MALRD1: variants seen among roughly 807,000 people sequenced by gnomAD.
The protein encoded by MALRD1 is MAM and LDL receptor class A domain containing 1, also known as MAM and LDL-receptor class A domain-containing protein 1.
MALRD1 carries 247 observed loss-of-function variants against 242.1 expected under a neutral mutation model. The ratio of observed to expected loss-of-function variants is 1.02; its 90% CI spans 0.92 to 1.13. The LOEUF is 1.13. Among genes scored for constraint, MALRD1 ranks in the 50% most tolerant of loss-of-function variants. The pLI is 0.00. For synonymous variants in MALRD1, 995 were observed against 866.6 expected, an observed-to-expected ratio of 1.15 and a Z score of -2.60; for missense variants, 2,989 against 2,533.1, an observed-to-expected ratio of 1.18 and a Z score of -3.86.
At chr10:19,424,602 A>G (rs1289241695) in intron 28 of MALRD1, among the ~76,000 whole-genome samples, 1 of 152,244 alleles carries the variant, frequency 6.6e-6, no homozygotes, top group African/African-American at 2.4e-5. Flanking sequence ...TCAGAACTAA[A>G]GTAATTTTCA....
intron 28 of MALRD1, among the ~76,000 whole-genome samples, chr10:19,394,125 A>T (rs1846469206): frequency 6.6e-6 from 1 of 152,200 alleles, no homozygotes; most frequent in African/African-American, 2.4e-5. Context: ...AGTGGAGAAA[A>T]ATAATGTGTT....
intron 29 of MALRD1, among the ~76,000 whole-genome samples, chr10:19,462,159 G>T (rs941460440): frequency 5.3e-5 from 8 of 152,112 alleles, no homozygotes; most frequent in Non-Finnish European, 1.2e-4. Flanking sequence ...TCTGTATTCT[G>T]ATGCTTCCTA....
At chr10:19,683,418 G>A (rs996870852) in intron 36 of MALRD1, among the ~76,000 whole-genome samples, 9 of 152,188 alleles carry the variant, frequency 5.9e-5, no homozygotes, top group African/African-American at 9.7e-5. Context: ...ATTTTCATGT[G>A]CATCGTAATA....
At chr10:19,308,133 T>G (rs1842294785) in intron 21 of MALRD1, among the ~76,000 whole-genome samples, 1 of 151,408 alleles carries the variant, frequency 6.6e-6, no homozygotes, top group South Asian at 2.1e-4. Flanking sequence ...ATTGTTTCTT[T>G]CTATTTTTTT....
At chr10:19,714,186 A>T (rs1589434038) in intron 38 of MALRD1, among the ~76,000 whole-genome samples, 1 of 152,278 alleles carries the variant, frequency 6.6e-6, no homozygotes, top group East Asian at 1.9e-4. Flanking sequence ...TACTGGAAAA[A>T]TTGGATCACA....
At chr10:19,377,752 C>A (rs1041687297) in intron 26 of MALRD1, among the ~76,000 whole-genome samples, 5 of 151,870 alleles carry the variant, frequency 3.3e-5, no homozygotes, top group African/African-American at 1.2e-4. Flanking sequence ...GAGGTGATTT[C>A]AGGAATTAAT....
chr10:19,235,757 A>T (rs1013033358), intron 18 of MALRD1, among the ~76,000 whole-genome samples: 1 of 152,112 alleles, frequency 6.6e-6, no homozygotes, highest in African/African-American at 2.4e-5. Context: ...AGAAACAGGG[A>T]TCATTCAGGA....
chr10:19,104,309 T>G (rs1438309855), intron 5 of MALRD1, among the ~76,000 whole-genome samples: 1 of 152,184 alleles, frequency 6.6e-6, no homozygotes, highest in Non-Finnish European at 1.5e-5. Flanking sequence ...GTCTCAAACT[T>G]GAAATCTTGT....
At chr10:19,289,809 T>C (rs1393830223) in intron 21 of MALRD1, among the ~76,000 whole-genome samples, 1 of 152,198 alleles carries the variant, frequency 6.6e-6, no homozygotes, top group Non-Finnish European at 1.5e-5. Flanking sequence ...GCCAGGTTTT[T>C]AAGGATGTTG....
intron 21 of MALRD1, among the ~76,000 whole-genome samples, chr10:19,300,040 T>C (rs1841876082): frequency 6.6e-6 from 1 of 151,916 alleles, no homozygotes; most frequent in South Asian, 2.1e-4. Context: ...ACAAAATCAA[T>C]GTACAAAAGT....
At chr10:19,448,955 C>T (rs1161063578) in intron 28 of MALRD1, among the ~76,000 whole-genome samples, 28 of 152,016 alleles carry the variant, frequency 1.8e-4, no homozygotes, top group Non-Finnish European at 2.2e-4. Context: ...CATGTTTCTC[C>T]TTTTCTCTTT....
chr10:19,130,627 T>C (rs953383186), intron 8 of MALRD1, among the ~76,000 whole-genome samples: 4 of 152,170 alleles, frequency 2.6e-5, no homozygotes, highest in African/African-American at 9.6e-5. Flanking sequence ...TTTTAAAAGT[T>C]TCAATACATG....
intron 4 of MALRD1, among the ~76,000 whole-genome samples, chr10:19,097,308 G>A (rs1836077012): frequency 6.6e-6 from 1 of 152,062 alleles, no homozygotes; most frequent in Non-Finnish European, 1.5e-5. Context: ...TTTTTATTAT[G>A]TTAAAGCATT....
intron 36 of MALRD1, among the ~76,000 whole-genome samples, chr10:19,657,964 A>T (rs1841243488): frequency 1.3e-5 from 2 of 152,076 alleles, no homozygotes; most frequent in Non-Finnish European, 2.9e-5. Context: ...CCTGACCAAC[A>T]TGGAGAAACC....
At chr10:19,286,555 A>T (rs1393737189) in intron 21 of MALRD1, among the ~76,000 whole-genome samples, 1 of 152,138 alleles carries the variant, frequency 6.6e-6, no homozygotes, top group Non-Finnish European at 1.5e-5. Context: ...TACACAAATA[A>T]ACTAGAAAAT....
At chr10:19,298,224 C>T (rs969191262) in intron 21 of MALRD1, among the ~76,000 whole-genome samples, 3 of 151,910 alleles carry the variant, frequency 2.0e-5, no homozygotes, top group Non-Finnish European at 2.9e-5. Context: ...TGCTTCATAA[C>T]GACCCACTAA....
chr10:19,442,342 T>C (rs1452580749), intron 28 of MALRD1, among the ~76,000 whole-genome samples: 4 of 151,066 alleles, frequency 2.6e-5, no homozygotes, highest in Admixed American at 1.3e-4. Context: ...TCCTGTCTGA[T>C]TGCCAGCATC....
At chr10:19,450,243 C>T in intron 28 of MALRD1, 64 bp from the exon 29 acceptor site, 3 of 1,377,374 alleles carry the variant, frequency 2.2e-6, no homozygotes, top group Non-Finnish European at 9.8e-7. Flanking sequence ...TGGGTTTTGC[C>T]CCACACTGCA....
rs139490497 is a variant in MALRD1, at chr10:19,601,754, T to C, written c.5945-6023T>C. 2.2e-3 allele frequency among the ~76,000 whole-genome samples: 332 copies of C among 152,166 alleles called. 3 individuals carry two copies. The highest frequency in any genetic ancestry group is 7.4e-3 in the African/African-American group (308 of 41,552). ...AATAAGTTACCAGTCACAGTAGAAA[T>C]TGGATGAAGAAATATGGATAAATTC... On this transcript the variant is annotated intron_variant, in intron 34 of 39. Coordinates refer to ENST00000454679, the MANE Select transcript of MALRD1 (RefSeq NM_001142308.3).
Sources: gnomAD v4.1 joint callset for allele counts (sites outside exome capture counted in the v4.1 genomes callset) on GRCh38, gnomAD v4.1.1 for gene constraint, MANE v1.5 for transcripts, NCBI Gene and HGNC (gene_info 2026-07-23, HGNC 2026-07-21) for gene names.